The following C12orf54 variants were observed in gnomAD, a reference collection of about 807,000 sequenced individuals.
The protein encoded by C12orf54 is uncharacterized protein C12orf54.
Under a neutral mutation model 26.4 loss-of-function variants are expected in C12orf54, and 24 were observed. The observed-to-expected ratio is 0.91, with a 90% confidence interval of 0.66 to 1.28. The LOEUF is 1.28. Ranked by LOEUF, C12orf54 falls within the 50% of genes most tolerant of loss-of-function variation. The probability of loss-of-function intolerance (pLI) is 0.00; values close to 1 mark genes in which losing one functional copy is unlikely to be tolerated. For synonymous variants in C12orf54, 54 were observed against 47.0 expected (o/e 1.15, Z -0.61); for missense variants, 154 against 150.9 (o/e 1.02, Z -0.11).
At chr12:48,463,614 A>G in the C12orf54 span, among the ~76,000 whole-genome samples, 2 of 151,728 alleles carry the variant, frequency 1.3e-5, no homozygotes, top group Non-Finnish European at 3.0e-5. Context: ...CACAGTATAA[A>G]AAAAAAAAGA....
chr12:48,493,349 G>T (rs568521661), intron 7 of C12orf54, among the ~76,000 whole-genome samples: 4 of 152,246 alleles, frequency 2.6e-5, no homozygotes, highest in Non-Finnish European at 4.4e-5. Flanking sequence ...AATCAAGGAC[G>T]TAGGCTGGGT....
At chr12:48,439,461 C>G in the C12orf54 span, among the ~76,000 whole-genome samples, 1 of 152,116 alleles carries the variant, frequency 6.6e-6, no homozygotes, top group African/African-American at 2.4e-5. Flanking sequence ...ATGTTTATTG[C>G]AGCACTATTC....
chr12:48,494,750 G>T (rs755258575), intron 7 of C12orf54, 48 bp from the exon 8 acceptor site: 1 of 1,588,626 alleles, frequency 6.3e-7, no homozygotes, highest in South Asian at 1.1e-5. Flanking sequence ...AACTGAAAGG[G>T]TAAGATCTCT....
the C12orf54 span, among the ~76,000 whole-genome samples, chr12:48,438,800 C>A: frequency 2.0e-4 from 30 of 152,136 alleles, no homozygotes; most frequent in Non-Finnish European, 1.5e-5. Context: ...ACCATAAAAA[C>A]CCTAGAAGAA....
At chr12:48,456,892 G>A in the C12orf54 span, among the ~76,000 whole-genome samples, 1 of 152,052 alleles carries the variant, frequency 6.6e-6, no homozygotes, top group Non-Finnish European at 1.5e-5. Context: ...TACGAAAAGT[G>A]TGCATCTTCA....
chr12:48,482,602 C>T (rs1440561243), intron 1 of C12orf54, 26 bp downstream of exon 1: 2 of 152,062 alleles, frequency 1.3e-5, no homozygotes, highest in South Asian at 2.1e-4. Context: ...TAATTGACCT[C>T]GTTCTTGACT....
At chr12:48,460,864 G>A in the C12orf54 span, among the ~76,000 whole-genome samples, 1 of 151,894 alleles carries the variant, frequency 6.6e-6, no homozygotes, top group African/African-American at 2.4e-5. Context: ...AGGAAAAACA[G>A]GAACAAGGGA....
the C12orf54 span, among the ~76,000 whole-genome samples, chr12:48,441,036 A>G: frequency 6.6e-6 from 1 of 152,156 alleles, no homozygotes; most frequent in East Asian, 1.9e-4. Context: ...ACCACGATTT[A>G]TCTCCCTGAG....
At chr12:48,462,583 A>G in the C12orf54 span, among the ~76,000 whole-genome samples, 3 of 151,806 alleles carry the variant, frequency 2.0e-5, no homozygotes, top group Non-Finnish European at 1.5e-5. Context: ...TTGGTTTAAC[A>G]TTCAAAAATT....
the C12orf54 span, among the ~76,000 whole-genome samples, chr12:48,443,851 G>A: frequency 6.6e-6 from 1 of 152,122 alleles, no homozygotes; most frequent in Non-Finnish European, 1.5e-5. Flanking sequence ...TCTATCTTTT[G>A]TGTTCATACT....
At chr12:48,454,068 T>TTCTC in the C12orf54 span, among the ~76,000 whole-genome samples, 65 of 149,218 alleles carry the variant, frequency 4.4e-4, no homozygotes, top group Middle Eastern at 3.4e-3. Flanking sequence ...ATCAAGACAG[T>TTCTC]TCTCTCTCTC....
At chr12:48,420,683 G>A in the C12orf54 span, among the ~76,000 whole-genome samples, 1 of 152,118 alleles carries the variant, frequency 6.6e-6, no homozygotes, top group African/African-American at 2.4e-5. Context: ...TCAGGAATAA[G>A]TTAATGTGGT....
In C12orf54 at chr12:48,492,983, C is replaced by A. The variant is rs1937824540; in HGVS notation, c.230C>A (p.Ala77Glu). ...SNCSMTPMTS[A>E]PRTGSIRPPD... ...TGCTCCATGACACCCATGACATCAG[C>A]ACCCAGGACTGGGTAAGTGTCCCTA... is the stretch of plus-strand genomic sequence containing the variant. Residue 77 changes from alanine (A) to glutamate (E), a missense_variant, in exon 7 of 9, where the codon GCA becomes GAA. Ala to Glu is a moderately radical substitution (Grantham distance 107). Coordinates refer to ENST00000548364, the MANE Select transcript of C12orf54 (RefSeq NM_152319.4). The A allele has an allele frequency of 6.2e-7, 1 of 1,613,900 alleles. No individual in the cohort carries two copies. Among genetic ancestry groups the A allele is most frequent in the African/African-American group, 1.3e-5 (1 of 74,938 alleles).
the C12orf54 span, among the ~76,000 whole-genome samples, chr12:48,418,745 A>T: frequency 2.6e-5 from 4 of 152,216 alleles, no homozygotes; most frequent in African/African-American, 9.6e-5. Flanking sequence ...TGTTATTTTA[A>T]TTAAGATGAA....
At chr12:48,486,312 T>G in intron 3 of C12orf54, 104 bp downstream of exon 3, 11 of 1,206,848 alleles carry the variant, frequency 9.1e-6, no homozygotes, top group South Asian at 4.0e-5. Flanking sequence ...AAAAGCTACC[T>G]GACAAGGGAC....
the C12orf54 span, among the ~76,000 whole-genome samples, chr12:48,443,241 G>A: frequency 6.6e-6 from 1 of 152,126 alleles, no homozygotes; most frequent in African/African-American, 2.4e-5. Context: ...ACTAGAGAGT[G>A]TTTGTAAACT....
chr12:48,464,232 A>G, the C12orf54 span, among the ~76,000 whole-genome samples: 1 of 152,120 alleles, frequency 6.6e-6, no homozygotes, highest in Non-Finnish European at 1.5e-5. Flanking sequence ...ATGTTTCAGA[A>G]TACAAAATCA....
At chr12:48,458,468 C>T in the C12orf54 span, among the ~76,000 whole-genome samples, 23 of 152,106 alleles carry the variant, frequency 1.5e-4, no homozygotes, top group African/African-American at 5.3e-4. Context: ...ATTTTAACAA[C>T]CACCTCTCTG....
the C12orf54 span, chr12:48,473,388 G>T: frequency 1.1e-6 from 1 of 917,392 alleles, no homozygotes; most frequent in Non-Finnish European, 1.7e-6. Flanking sequence ...ATAAGAAACT[G>T]AAGATGAGGG....
Sources: allele counts gnomAD v4.1 joint callset (sites outside exome capture counted in the v4.1 genomes callset), GRCh38; gene constraint gnomAD v4.1.1; transcripts MANE v1.5; gene names NCBI Gene and HGNC (gene_info 2026-07-23, HGNC 2026-07-21).